SYNE2: variants seen among roughly 807,000 people sequenced by gnomAD.
The protein encoded by SYNE2 is spectrin repeat containing nuclear envelope protein 2.
In SYNE2, 431 loss-of-function variants were observed where a neutral mutation model predicts 856.3. The ratio of observed to expected loss-of-function variants is 0.50; its 90% CI spans 0.47 to 0.55. The LOEUF is 0.55. Ranked by LOEUF, SYNE2 falls within the 20% of genes least tolerant of loss-of-function variation. The probability of loss-of-function intolerance (pLI) is 0.00; values close to 1 mark genes in which losing one functional copy is unlikely to be tolerated. For synonymous variants in SYNE2, 2,923 were observed against 2,872.3 expected, an observed-to-expected ratio of 1.02 and a Z score of -0.56; for missense variants, 8,129 against 8,023.2, an observed-to-expected ratio of 1.01 and a Z score of -0.50.
intron 11 of SYNE2, among the ~76,000 whole-genome samples, chr14:63,968,135 C>T (rs1221472048): frequency 6.6e-6 from 1 of 152,114 alleles, no homozygotes; most frequent in East Asian, 1.9e-4. Flanking sequence ...TGCTCTCCAG[C>T]CTGGGTGACA....
At chr14:63,839,078 T>C (rs1889957727) in intron 1 of SYNE2, among the ~76,000 whole-genome samples, 1 of 152,028 alleles carries the variant, frequency 6.6e-6, no homozygotes, top group Admixed American at 6.6e-5. Flanking sequence ...TTGCCCAGGC[T>C]GGAATCAGTG....
intron 1 of SYNE2, among the ~76,000 whole-genome samples, chr14:63,802,358 C>T (rs1159426264): frequency 1.3e-5 from 2 of 151,630 alleles, no homozygotes; most frequent in African/African-American, 4.8e-5. Flanking sequence ...CTGCTCGCCT[C>T]GGCCTCCCCA....
intron 53 of SYNE2, among the ~76,000 whole-genome samples, chr14:64,075,133 CAG>C (rs1248358243): frequency 6.6e-6 from 1 of 152,202 alleles, no homozygotes; most frequent in Non-Finnish European, 1.5e-5. Context: ...TGACACATTA[CAG>C]AGTCATTTAA....
At chr14:64,034,023 T>G (rs375448527) in intron 45 of SYNE2, among the ~76,000 whole-genome samples, 7 of 152,304 alleles carry the variant, frequency 4.6e-5, no homozygotes, top group Admixed American at 6.5e-5. Flanking sequence ...TTATATAACA[T>G]TAGTCTATTA....
chr14:63,827,809 G>T (rs1343616237), intron 1 of SYNE2, among the ~76,000 whole-genome samples: 1 of 151,680 alleles, frequency 6.6e-6, no homozygotes, highest in Non-Finnish European at 1.5e-5. Flanking sequence ...ATTGGCAAAG[G>T]ATTTAAATAG....
chr14:64,057,933 T>G (rs966174095), intron 49 of SYNE2, among the ~76,000 whole-genome samples: 4 of 152,254 alleles, frequency 2.6e-5, no homozygotes, highest in African/African-American at 9.6e-5. Context: ...GAAATGTCTA[T>G]TCAGATCTTT....
At chr14:63,956,340 G>T (rs1218208531) in intron 8 of SYNE2, 5 of 450,662 alleles carry the variant, frequency 1.1e-5, no homozygotes, top group Admixed American at 4.8e-5. Context: ...ATTGGGAAGT[G>T]ATAAGTTTTG....
At chr14:63,928,321 A>G (rs2095698493) in intron 2 of SYNE2, among the ~76,000 whole-genome samples, 2 of 152,202 alleles carry the variant, frequency 1.3e-5, no homozygotes, top group Non-Finnish European at 2.9e-5. Flanking sequence ...GTGATAACGT[A>G]AATTCTTCAG....
At chr14:64,048,708 G>T in intron 46 of SYNE2, 1 of 153,094 alleles carries the variant, frequency 6.5e-6, no homozygotes, top group South Asian at 2.1e-4. Flanking sequence ...AGGAGTTGGA[G>T]ACCAGCCTGG....
At position 63,978,886 on chromosome 14, in the gene SYNE2, C is replaced by T. The variant is rs1375418430; in HGVS notation, c.1441C>T (p.Leu481Phe). ...CATTTTGGAGAAAAAATTTATTCTA[C>T]TTCTAGAATTTCATTACTACAAGTG... ...NNILEKKFILLLEFHYYKCLV... is the reference protein window; with the variant it reads ...NNILEKKFILFLEFHYYKCLV... The change falls in exon 14 of 116, where the codon CTT (leucine) becomes TTT (phenylalanine). Residue 481 changes from leucine (L) to phenylalanine (F), a missense_variant. By Grantham distance (22) the Leu-to-Phe change is conservative. This residue lies in a region of SYNE2 where 2,422 missense variants were observed against 2,357.4 expected (regional missense o/e 1.03). Transcript: ENST00000555002. The T allele has an allele frequency of 1.7e-5, 27 of 1,613,064 alleles. No individual in the cohort carries two copies. The highest frequency in any genetic ancestry group is 2.0e-5 in the Non-Finnish European group (24 of 1,179,302).
chr14:64,022,503 C>T (rs1017425822), intron 37 of SYNE2, among the ~76,000 whole-genome samples: 3 of 151,838 alleles, frequency 2.0e-5, no homozygotes, highest in Admixed American at 6.6e-5. Context: ...GAGGCCAAGG[C>T]GGGTGGATTG....
intron 85 of SYNE2, 119 bp from the exon 86 acceptor site, chr14:64,158,506 C>A: frequency 9.3e-7 from 1 of 1,080,006 alleles, no homozygotes; most frequent in Non-Finnish European, 1.4e-6. Context: ...CAGTTAATCA[C>A]TGGTGATCCT....
chr14:63,854,450 G>A (rs1431502425), intron 1 of SYNE2, among the ~76,000 whole-genome samples: 1 of 152,128 alleles, frequency 6.6e-6, no homozygotes, highest in Non-Finnish European at 1.5e-5. Flanking sequence ...TCTCCAAGTT[G>A]TCTTTCTGGA....
Position 64,052,211 on chromosome 14 carries a change from A to G in SYNE2, c.8298A>G (p.Arg2766=). 6.2e-7 allele frequency: 1 copy of G among 1,614,190 alleles called. No individual in the cohort carries two copies. ...CAGATGACATTCTTTCACAGATCAG[A>G]AAGTGCAAAGTGACACATGATGGCA... ...LLPDDILSQI[R]KCKVTHDGIL... is the part of the protein sequence containing the mutation. Residue 2766 remains arginine, a synonymous_variant, in exon 48 of 116, where the codon AGA becomes AGG. Coordinates refer to ENST00000555002, the MANE Select transcript of SYNE2 (RefSeq NM_182914.3).
At position 64,126,449 on chromosome 14, in the gene SYNE2, G is replaced by A. The variant is rs756533979; in HGVS notation, c.13677G>A (p.Glu4559=). 7 of 1,614,132 alleles carry A rather than the reference G, an allele frequency of 4.3e-6. No homozygotes were observed. Among genetic ancestry groups the A allele is most frequent in the Non-Finnish European group, 5.9e-6 (7 of 1,180,014 alleles). The change falls in exon 72 of 116, where the codon GAG becomes GAA. Residue 4559 remains glutamate, a synonymous_variant. Transcript: ENST00000555002. ...EMLEMPRLYR[E]DGSGQQVHYE... Reference sequence around the variant, plus strand: ...TGGAGATGCCCAGACTTTACAGGGAGGATGGTTCTGGCCAGCAGGTGCACT... The same window carrying A: ...TGGAGATGCCCAGACTTTACAGGGAAGATGGTTCTGGCCAGCAGGTGCACT...
In SYNE2 at chr14:64,220,480, C is replaced by T; in HGVS notation, c.19904C>T (p.Ser6635Phe). The change falls in exon 111 of 116, where the codon TCT becomes TTT. Residue 6635 changes from serine (S) to phenylalanine (F), a missense_variant. Around this residue, in one of 3 missense-constraint regions of SYNE2, gnomAD observed 5,410 missense variants for 5,284.8 expected, o/e 1.02. Transcript: ENST00000555002. ...GACACTTACAAGGCATTAGTGGTCT[C>T]TGTCAACGTGAGCAGCAAGGAATTT... The part of the protein sequence containing the change: ...AFDTYKALVV[S>F]VNVSSKEFLQ... The T allele has an allele frequency of 1.2e-6, 2 of 1,614,242 alleles. No homozygotes were observed. Among genetic ancestry groups the T allele is most frequent in the African/African-American group, 2.7e-5 (2 of 75,060 alleles).
intron 1 of SYNE2, among the ~76,000 whole-genome samples, chr14:63,780,569 T>C (rs1016937402): frequency 4.6e-5 from 7 of 152,112 alleles, no homozygotes; most frequent in African/African-American, 1.7e-4. Context: ...ACTATACAGT[T>C]TCTACTCTCT....
At chr14:64,074,523 C>G (rs1345886675) in intron 53 of SYNE2, among the ~76,000 whole-genome samples, 1 of 152,220 alleles carries the variant, frequency 6.6e-6, no homozygotes. Flanking sequence ...CATCTGGAAT[C>G]TCATTTCTTC....
At chr14:64,162,045 G>A (rs746224663) in intron 87 of SYNE2, 27 bp from the exon 88 acceptor site, 1 of 1,613,702 alleles carries the variant, frequency 6.2e-7, no homozygotes, top group Admixed American at 1.7e-5. Context: ...GAGAATGAGG[G>A]TTATGTTATT....
Sources: gnomAD v4.1 joint callset for allele counts (sites outside exome capture counted in the v4.1 genomes callset) on GRCh38, gnomAD v4.1.1 for gene constraint, gnomAD v4.1.1 regional missense constraint, MANE v1.5 for transcripts, NCBI Gene and HGNC (gene_info 2026-07-23, HGNC 2026-07-21) for gene names.